The following SFSWAP variants were observed in gnomAD, a reference collection of about 807,000 sequenced individuals.
SFSWAP encodes splicing factor, suppressor of white-apricot homolog.
Under a neutral mutation model 100.7 loss-of-function variants are expected in SFSWAP, and 17 were observed. That is an observed-to-expected ratio of 0.17 (90% CI 0.12 to 0.25). The LOEUF (loss-of-function observed/expected upper bound fraction) is 0.25. Ranked by LOEUF, SFSWAP falls within the 10% of genes least tolerant of loss-of-function variation. The pLI, the probability that SFSWAP is intolerant of heterozygous loss-of-function variation, is 1.00. For missense variants in SFSWAP, 1,005 were observed against 1,262.6 expected, an observed-to-expected ratio of 0.80 and a Z score of 3.09; for synonymous variants, 504 against 510.1, an observed-to-expected ratio of 0.99 and a Z score of 0.16.
intron 7 of SFSWAP, among the ~76,000 whole-genome samples, chr12:131,742,135 G>A (rs772425966): frequency 2.0e-5 from 3 of 152,156 alleles, no homozygotes; most frequent in Non-Finnish European, 2.9e-5. Context: ...AGGGAGAGAC[G>A]TTCTTGAGTA....
At chr12:131,789,016 C>A (rs1885078527) in intron 15 of SFSWAP, among the ~76,000 whole-genome samples, 1 of 150,842 alleles carries the variant, frequency 6.6e-6, no homozygotes, top group Non-Finnish European at 1.5e-5. Context: ...GTCTCACTCC[C>A]ATTGCGCTGG....
intron 11 of SFSWAP, among the ~76,000 whole-genome samples, chr12:131,760,721 T>A (rs529810427): frequency 1.3e-5 from 2 of 152,296 alleles, no homozygotes; most frequent in South Asian, 4.1e-4. Flanking sequence ...CCATACTACT[T>A]ATTGCTGTCT....
Position 131,711,414 on chromosome 12 carries a change from C to T in SFSWAP, c.185C>T (p.Pro62Leu), listed in dbSNP as rs750765694. 5 of 1,613,514 alleles carry T rather than the reference C, an allele frequency of 3.1e-6. No individual in the cohort carries two copies. Among genetic ancestry groups the T allele is most frequent in the South Asian group, 2.2e-5 (2 of 91,088 alleles). ...LAQEQGQHLI[P>L]WMGDHKILID... ...CAGGAACAGGGACAGCACCTCATCC[C>T]CTGGATGGGGGACCACAAGATCCTC... is the stretch of plus-strand genomic sequence containing the variant. Residue 62 changes from proline to leucine, a missense_variant, in exon 1 of 18, where the codon CCC (proline) becomes CTC (leucine). Physicochemically the swap from Pro to Leu is moderately conservative, Grantham distance 98 (BLOSUM62 -3). Around this residue, in one of 7 missense-constraint regions of SFSWAP, gnomAD observed 237 missense variants for 337.0 expected, o/e 0.70. Transcript: ENST00000261674. This position sits in a 1 kb window ranked among gnomAD's most constrained non-coding sequence, Gnocchi z 4.9.
In SFSWAP at chr12:131,726,961, A is replaced by T. The variant is rs1356549098; in HGVS notation, c.854A>T (p.Asn285Ile). Residue 285 changes from asparagine to isoleucine, a missense_variant, in exon 6 of 18, where the codon AAT becomes ATT. Physicochemically the swap from Asn to Ile is moderately radical, Grantham distance 149. Coordinates refer to ENST00000261674, the MANE Select transcript of SFSWAP (RefSeq NM_004592.4). ...EKKKSGVSSD[N>I]EDDDDEEDGN... ...TCAGAATCAGGAGTCAGCTCTGACA[A>T]TGAAGATGATGATGATGAAGAAGAT... 1.2e-6 allele frequency: 2 copies of T among 1,601,654 alleles called. No individual in the cohort carries two copies. Among genetic ancestry groups the T allele is most frequent in the Non-Finnish European group, 1.7e-6 (2 of 1,171,416 alleles).
intron 14 of SFSWAP, chr12:131,785,308 C>G (rs1036352132): frequency 7.4e-7 from 1 of 1,351,826 alleles, no homozygotes; most frequent in Non-Finnish European, 1.0e-6. Context: ...CGATTCTGTC[C>G]GTTAAAGGGC....
intron 3 of SFSWAP, among the ~76,000 whole-genome samples, chr12:131,716,103 A>G (rs759162065): frequency 1.1e-4 from 16 of 152,224 alleles, no homozygotes; most frequent in Non-Finnish European, 2.2e-4. Context: ...GGTTCTACCC[A>G]TCGGCACTCT....
chr12:131,766,425 G>A, intron 13 of SFSWAP, 117 bp downstream of exon 13: 1 of 903,888 alleles, frequency 1.1e-6, no homozygotes, highest in Non-Finnish European at 1.7e-6. Context: ...TGAGCTCCCA[G>A]CTCTTCCTCC....
intron 13 of SFSWAP, among the ~76,000 whole-genome samples, chr12:131,775,040 G>A (rs545325244): frequency 4.2e-4 from 64 of 152,300 alleles, no homozygotes; most frequent in African/African-American, 1.5e-3. Flanking sequence ...CTCAGATGGC[G>A]TCTCGCGCCC....
intron 7 of SFSWAP, 48 bp from the exon 8 acceptor site, chr12:131,753,075 C>A (rs746229784): frequency 6.2e-7 from 1 of 1,605,084 alleles, no homozygotes; most frequent in Admixed American, 1.7e-5. Context: ...GACTCATGGA[C>A]CAGCCTGTGG....
intron 13 of SFSWAP, among the ~76,000 whole-genome samples, chr12:131,777,390 G>A (rs535244732): frequency 6.6e-6 from 1 of 152,262 alleles, no homozygotes; most frequent in East Asian, 1.9e-4. Context: ...AGAACATGCG[G>A]TGTTTGGTTT....
At chr12:131,759,126 A>G (rs930402634) in intron 11 of SFSWAP, among the ~76,000 whole-genome samples, 2 of 152,218 alleles carry the variant, frequency 1.3e-5, no homozygotes, top group African/African-American at 4.8e-5. Context: ...AGAAGTTAAC[A>G]CTAGAAAATA....
At chr12:131,741,616 A>G (rs1880639256) in intron 7 of SFSWAP, among the ~76,000 whole-genome samples, 1 of 150,518 alleles carries the variant, frequency 6.6e-6, no homozygotes, top group Non-Finnish European at 1.5e-5. Context: ...ACTGTACTCC[A>G]GCCTGGGCAA....
At chr12:131,739,981 G>T (rs1880447387) in intron 7 of SFSWAP, among the ~76,000 whole-genome samples, 1 of 152,136 alleles carries the variant, frequency 6.6e-6, no homozygotes, top group African/African-American at 2.4e-5. Flanking sequence ...AAGGGCTGTA[G>T]TTCATGAATT....
intron 15 of SFSWAP, among the ~76,000 whole-genome samples, chr12:131,790,888 A>G (rs1885187688): frequency 6.6e-6 from 1 of 152,234 alleles, no homozygotes; most frequent in South Asian, 2.1e-4. Context: ...ACTAAAAACA[A>G]AAATGTAGCT....
intron 7 of SFSWAP, among the ~76,000 whole-genome samples, chr12:131,752,754 C>T (rs772126558): frequency 1.0e-3 from 157 of 152,286 alleles, no homozygotes; most frequent in Non-Finnish European, 1.8e-3. Flanking sequence ...AGGTGGCCTT[C>T]GTGGGCCGTG....
chr12:131,779,210 TGTGTGAAGAGG>T (rs1884278979), intron 14 of SFSWAP, among the ~76,000 whole-genome samples: 1 of 149,400 alleles, frequency 6.7e-6, no homozygotes, highest in East Asian at 2.0e-4. Context: ...CGGATGAGTG[TGTGTGAAGAGG>T]GCGGCGCGGG....
At chr12:131,773,481 C>A (rs897671436) in intron 13 of SFSWAP, among the ~76,000 whole-genome samples, 1 of 152,092 alleles carries the variant, frequency 6.6e-6, no homozygotes, top group Non-Finnish European at 1.5e-5. Flanking sequence ...CTAGGACTTA[C>A]ATGCACTTGC....
intron 13 of SFSWAP, among the ~76,000 whole-genome samples, chr12:131,776,207 A>G (rs1255006994): frequency 6.6e-6 from 1 of 152,262 alleles, no homozygotes. Flanking sequence ...ACTGTCCCAC[A>G]GTAAAGTGGA....
At chr12:131,755,549 T>C in intron 10 of SFSWAP, 70 bp downstream of exon 10, 4 of 1,067,100 alleles carry the variant, frequency 3.7e-6, no homozygotes, top group Non-Finnish European at 5.7e-6. Context: ...CAGAAGTCGC[T>C]TTCTGTTTCT....
Sources: allele counts gnomAD v4.1 joint callset (sites outside exome capture counted in the v4.1 genomes callset), GRCh38; gene constraint gnomAD v4.1.1; regional missense constraint gnomAD v4.1.1; non-coding constraint Gnocchi (gnomAD v3.1); transcripts MANE v1.5; gene names NCBI Gene and HGNC (gene_info 2026-07-23, HGNC 2026-07-21).